XRCC4: variants seen among roughly 807,000 people sequenced by gnomAD.
XRCC4 encodes X-ray repair cross complementing 4.
XRCC4 carries 28 observed loss-of-function variants against 39.1 expected under a neutral mutation model. That is an observed-to-expected ratio of 0.72 (90% CI 0.53 to 0.98). The LOEUF (loss-of-function observed/expected upper bound fraction) is 0.98. Among genes scored for constraint, XRCC4 ranks in the 50% least tolerant of loss-of-function variants. The pLI, the probability that XRCC4 is intolerant of heterozygous loss-of-function variation, is 0.00. For missense variants in XRCC4, 350 were observed against 376.4 expected (o/e 0.93, Z 0.58); for synonymous variants, 123 against 126.4 (o/e 0.97, Z 0.18).
intron 3 of XRCC4, among the ~76,000 whole-genome samples, chr5:83,174,456 G>A (rs1749864878): frequency 6.6e-6 from 1 of 152,018 alleles, no homozygotes; most frequent in Admixed American, 6.6e-5. Flanking sequence ...CCCTTCCACT[G>A]CTTCTTTAGT....
At chr5:83,363,156 C>T in the XRCC4 span, among the ~76,000 whole-genome samples, 5 of 152,118 alleles carry the variant, frequency 3.3e-5, no homozygotes, top group African/African-American at 1.2e-4. Flanking sequence ...GAGAAGCGGC[C>T]ATGCCCAAGG....
chr5:83,147,980 G>T (rs145163473), intron 3 of XRCC4, among the ~76,000 whole-genome samples: 1 of 151,770 alleles, frequency 6.6e-6, no homozygotes, highest in Non-Finnish European at 1.5e-5. Flanking sequence ...TAGAGATGGG[G>T]TTTCACCATG....
At chr5:83,158,873 A>T (rs765832932) in intron 3 of XRCC4, among the ~76,000 whole-genome samples, 2 of 152,154 alleles carry the variant, frequency 1.3e-5, no homozygotes, top group Non-Finnish European at 1.5e-5. Flanking sequence ...GCATAGTTAT[A>T]TTAATTCCTT....
chr5:83,261,542 T>C (rs1267420822), intron 7 of XRCC4, among the ~76,000 whole-genome samples: 1 of 151,910 alleles, frequency 6.6e-6, no homozygotes, highest in Non-Finnish European at 1.5e-5. Context: ...TTAGCTTCTC[T>C]ATCTCTGCAA....
At position 83,333,823 on chromosome 5, in the gene XRCC4, G is replaced by T. The variant is rs1218781297; in HGVS notation, c.894-19308G>T. ...CTTGCTCTGTCGCCAAGGCTGGAGTGCAGTGGCACAATCTCAGCTCACTGC... is the reference window on the plus strand; with the variant it reads ...CTTGCTCTGTCGCCAAGGCTGGAGTTCAGTGGCACAATCTCAGCTCACTGC... On this transcript the variant is annotated intron_variant, in intron 7 of 7. Transcript: ENST00000396027. Among the ~76,000 whole-genome samples the T allele has an allele frequency of 2.0e-5, 3 of 149,762 alleles. No individual in the cohort carries two copies. The East Asian group carries it at 5.9e-4, about 29-fold the overall frequency.
At chr5:83,245,421 A>G (rs1753064945) in intron 6 of XRCC4, among the ~76,000 whole-genome samples, 1 of 152,124 alleles carries the variant, frequency 6.6e-6, no homozygotes, top group Non-Finnish European at 1.5e-5. Context: ...ACCCACAATT[A>G]GTAGATTTTT....
At chr5:83,220,886 T>G (rs1277153253) in intron 6 of XRCC4, among the ~76,000 whole-genome samples, 1 of 152,204 alleles carries the variant, frequency 6.6e-6, no homozygotes, top group Non-Finnish European at 1.5e-5. Context: ...TGTTGATCCT[T>G]TCTGCGAACT....
intron 3 of XRCC4, among the ~76,000 whole-genome samples, chr5:83,194,304 TAACTG>T (rs1357841345): frequency 2.0e-5 from 3 of 152,176 alleles, no homozygotes; most frequent in Non-Finnish European, 2.9e-5. Flanking sequence ...TTTCAAAAGG[TAACTG>T]TTCAAATTTA....
At position 83,303,165 on chromosome 5, in the gene XRCC4, A is replaced by G. The variant is rs1755350961; in HGVS notation, c.893+44488A>G. Among the ~76,000 whole-genome samples, 3 of 146,972 alleles carry G rather than the reference A, an allele frequency of 2.0e-5. No individual in the cohort carries two copies. The Admixed American group carries it at 2.1e-4, about 10-fold the overall frequency. The stretch of plus-strand genomic sequence containing the variant: ...GAGGCGGAGGTTGCAGTGAGCCAAG[A>G]TGGTGCCACTGCACTCCAGCCTAGG... On this transcript the variant is annotated intron_variant, in intron 7 of 7. Transcript: ENST00000396027.
chr5:83,270,776 CAT>C (rs545805498), intron 7 of XRCC4, among the ~76,000 whole-genome samples: 1 of 121,550 alleles, frequency 8.2e-6, no homozygotes, highest in Non-Finnish European at 1.7e-5. Flanking sequence ...AAAATATATA[CAT>C]ATATATATGT....
chr5:83,135,252 T>G (rs967908998), intron 3 of XRCC4, among the ~76,000 whole-genome samples: 1 of 152,180 alleles, frequency 6.6e-6, no homozygotes, highest in African/African-American at 2.4e-5. Flanking sequence ...CAGTGAGATG[T>G]ACCTGGTACC....
At chr5:83,262,853 T>A (rs916291365) in intron 7 of XRCC4, among the ~76,000 whole-genome samples, 53 of 147,890 alleles carry the variant, frequency 3.6e-4, no homozygotes, top group African/African-American at 1.3e-3. Flanking sequence ...TTTTTTTTTT[T>A]TTTTTATACT....
At chr5:83,327,669 A>G (rs1027163024) in intron 7 of XRCC4, among the ~76,000 whole-genome samples, 2 of 152,116 alleles carry the variant, frequency 1.3e-5, no homozygotes, top group African/African-American at 4.8e-5. Context: ...ATATGATGAA[A>G]AAGTTTAATT....
At chr5:83,297,502 A>G (rs1281160999) in intron 7 of XRCC4, among the ~76,000 whole-genome samples, 1 of 151,982 alleles carries the variant, frequency 6.6e-6, no homozygotes, top group Non-Finnish European at 1.5e-5. Flanking sequence ...GTTTTCTATG[A>G]TTATTAAATG....
intron 1 of XRCC4, among the ~76,000 whole-genome samples, chr5:83,090,871 T>C (rs1288803913): frequency 6.6e-6 from 1 of 152,172 alleles, no homozygotes; most frequent in Non-Finnish European, 1.5e-5. Flanking sequence ...TATTTTTTGT[T>C]TGTTAAATTT....
intron 7 of XRCC4, among the ~76,000 whole-genome samples, chr5:83,313,278 G>T (rs774591967): frequency 5.7e-4 from 86 of 152,058 alleles, no homozygotes; most frequent in Non-Finnish European, 1.2e-3. Flanking sequence ...TAAGGATCAT[G>T]TATTAATGTA....
At chr5:83,164,550 A>G (rs769592851) in intron 3 of XRCC4, among the ~76,000 whole-genome samples, 1 of 152,142 alleles carries the variant, frequency 6.6e-6, no homozygotes, top group East Asian at 1.9e-4. Flanking sequence ...TATTGTGTAC[A>G]TGACATTTCC....
chr5:83,220,812 C>T (rs1489456515), intron 6 of XRCC4, among the ~76,000 whole-genome samples: 1 of 152,130 alleles, frequency 6.6e-6, no homozygotes, highest in Admixed American at 6.5e-5. Flanking sequence ...GGTCACATTG[C>T]TTTTCGAGCT....
At chr5:83,354,837 GTCTC>G (rs534683164), downstream of XRCC4, among the ~76,000 whole-genome samples, 3 of 152,014 alleles carry the variant, frequency 2.0e-5, no homozygotes, top group African/African-American at 7.2e-5. Context: ...CTCCCTTTGT[GTCTC>G]TCTACTGCAG....
Sources: allele counts gnomAD v4.1 joint callset (sites outside exome capture counted in the v4.1 genomes callset), GRCh38; gene constraint gnomAD v4.1.1; transcripts MANE v1.5; gene names NCBI Gene and HGNC (gene_info 2026-07-23, HGNC 2026-07-21).